The following PKN3 variants were observed in gnomAD, a reference collection of about 807,000 sequenced individuals.
PKN3 encodes protein kinase N3, also known as serine/threonine-protein kinase N3.
PKN3 carries 91 observed loss-of-function variants against 113.1 expected under a neutral mutation model. That is an observed-to-expected ratio of 0.80 (90% confidence interval 0.68 to 0.96). The LOEUF (loss-of-function observed/expected upper bound fraction) is 0.96, where lower values mean the gene tolerates loss of function less well. PKN3 is among the 40% of genes least tolerant of loss of function. The pLI, the probability that PKN3 is intolerant of heterozygous loss-of-function variation, is 0.00. For missense variants in PKN3, 1,052 were observed against 1,202.2 expected, an observed-to-expected ratio of 0.88 and a Z score of 1.85; for synonymous variants, 467 against 499.0, an observed-to-expected ratio of 0.94 and a Z score of 0.85.
At chr9:128,703,044 C>G (rs1393901838) in intron 1 of PKN3, 105 bp downstream of exon 1, 1 of 800,238 alleles carries the variant, frequency 1.2e-6, no homozygotes, top group African/African-American at 1.8e-5. Context: ...CTCCCCTCAC[C>G]CGCGCCCCTT....
chr9:128,711,411 ATTC>A (rs1421180923), intron 6 of PKN3, among the ~76,000 whole-genome samples: 1 of 149,164 alleles, frequency 6.7e-6, no homozygotes, highest in Non-Finnish European at 1.5e-5. Context: ...GGTTCACGCC[ATTC>A]TTCTGCCTCA....
At chr9:128,705,083 C>G (rs1283129197) in intron 1 of PKN3, among the ~76,000 whole-genome samples, 3 of 152,210 alleles carry the variant, frequency 2.0e-5, no homozygotes, top group Admixed American at 1.3e-4. Flanking sequence ...ACATCCTTCT[C>G]TAACGGGCGG....
intron 9 of PKN3, 55 bp downstream of exon 9, chr9:128,713,697 G>A: frequency 6.3e-7 from 1 of 1,582,426 alleles, no homozygotes; most frequent in Non-Finnish European, 8.6e-7. Flanking sequence ...TCAGGGCCAG[G>A]AAGGCCTTCA....
At chr9:128,703,323 C>T (rs1015527797) in intron 1 of PKN3, 19 of 969,920 alleles carry the variant, frequency 2.0e-5, no homozygotes, top group Non-Finnish European at 2.2e-5. Flanking sequence ...GCACAGGGGC[C>T]TGGGGGGGTT....
Position 128,718,531 on chromosome 9 carries a change from C to G in PKN3, c.2049-18C>G. On this transcript the variant is annotated intron_variant, in intron 17 of 21. Transcript: ENST00000291906. ...CTAAGCCCCACTCAGTCCCTTTGAT[C>G]TGCACCCTTGCCCTCAGGGACCTGA... 2 of 1,613,464 alleles carry G rather than the reference C, an allele frequency of 1.2e-6. No individual in the cohort carries two copies. Among genetic ancestry groups the G allele is most frequent in the Non-Finnish European group, 1.7e-6 (2 of 1,179,442 alleles).
chr9:128,718,544 C>A lies in PKN3; in HGVS notation c.2049-5C>A, dbSNP rs748848397. 5.0e-6 allele frequency: 8 copies of A among 1,613,900 alleles called. No individual in the cohort carries two copies. The highest frequency in any genetic ancestry group is 1.3e-5 in the African/African-American group (1 of 74,930). On this transcript the variant is annotated splice_polypyrimidine_tract_variant and splice_region_variant and intron_variant, in intron 17 of 21. Transcript: ENST00000291906. ...AGTCCCTTTGATCTGCACCCTTGCC[C>A]TCAGGGACCTGAAGTTGGATAACCT...
chr9:128,712,414 G>A (rs764991287), intron 6 of PKN3, among the ~76,000 whole-genome samples: 7 of 152,156 alleles, frequency 4.6e-5, no homozygotes, highest in Admixed American at 1.3e-4. Context: ...AACTTACTCC[G>A]TTGACAAAAC....
chr9:128,707,117 G>C, intron 5 of PKN3, 94 bp downstream of exon 5: 2 of 1,595,538 alleles, frequency 1.3e-6, no homozygotes, highest in Non-Finnish European at 1.7e-6. Context: ...GTAAAAGCAG[G>C]ACTTCTCTGT....
chr9:128,719,592 C>T, intron 18 of PKN3, 94 bp from the exon 19 acceptor site: 6 of 1,323,790 alleles, frequency 4.5e-6, no homozygotes, highest in Non-Finnish European at 6.2e-6. Context: ...GGGCTTGGCA[C>T]AGGCTCAGCT....
At chr9:128,703,901 G>A (rs1446643935) in intron 1 of PKN3, 1 of 985,366 alleles carries the variant, frequency 1.0e-6, no homozygotes, top group East Asian at 1.1e-4. Context: ...GCGGCAGCTG[G>A]GTGACTCAGG....
intron 6 of PKN3, among the ~76,000 whole-genome samples, chr9:128,712,427 G>A (rs752511356): frequency 6.6e-6 from 1 of 152,174 alleles, no homozygotes; most frequent in Non-Finnish European, 1.5e-5. Context: ...GACAAAACAC[G>A]TTTCATATCC....
At chr9:128,717,863 A>G (rs1480095041) in intron 16 of PKN3, among the ~76,000 whole-genome samples, 2 of 5,748 alleles carry the variant, frequency 3.5e-4, no homozygotes, top group Non-Finnish European at 0.024. Flanking sequence ...ATAAAAACTA[A>G]AAAAAAAAAA....
intron 6 of PKN3, 23 bp from the exon 7 acceptor site, chr9:128,713,029 C>T (rs755623673): frequency 1.9e-6 from 3 of 1,571,864 alleles, no homozygotes; most frequent in East Asian, 4.5e-5. Context: ...TCTGACAACG[C>T]CCCCCGCTCA....
rs1363331466 is a variant in PKN3 at position 128,705,792 on chromosome 9, G to A, written c.324G>A (p.Glu108=). ...AGCAGCTCAGGGCTCGGCACCTAGA[G>A]GCTCTCCGGAGGCAGCTGCATGTGG... is the stretch of plus-strand genomic sequence containing the variant. The part of the protein sequence containing the change: ...WAEQLRARHL[E]ALRRQLHVEL... Residue 108 remains glutamate, a synonymous_variant, in exon 3 of 22, where the codon GAG becomes GAA. Coordinates refer to ENST00000291906, the MANE Select transcript of PKN3 (RefSeq NM_013355.5). 3.7e-6 allele frequency: 6 copies of A among 1,608,446 alleles called. No homozygotes were observed. Among genetic ancestry groups the A allele is most frequent in the Non-Finnish European group, 5.1e-6 (6 of 1,177,668 alleles).
In PKN3 at chr9:128,720,720, G is replaced by T; in HGVS notation, c.*114G>T. ...CCTTGCTGGGTACTTCTGAGCCCTTGGGATTCAAAGTGGCAGCCATGGGGC... is the reference window on the plus strand; with the variant it reads ...CCTTGCTGGGTACTTCTGAGCCCTTTGGATTCAAAGTGGCAGCCATGGGGC... On this transcript the variant is annotated 3_prime_UTR_variant, in exon 22 of 22. Transcript: ENST00000291906. This position sits in a 1 kb window ranked among gnomAD's most constrained non-coding sequence, Gnocchi z 5.5. 1 of 926,358 alleles carries T rather than the reference G, an allele frequency of 1.1e-6. No individual in the cohort carries two copies. The allele number at this position is 926,358 out of a possible 1,614,324, so 57.4% of individuals were successfully genotyped here. A position where few individuals can be genotyped will look rare whatever the true frequency, so the allele number is the denominator to read the frequency against.
In PKN3 at chr9:128,718,919, G is replaced by A. The variant is rs1398960884; in HGVS notation, c.2125+294G>A. ...TTTGGTTTGTTTTTTTTTTTGAGACGGAGTCTTGCTGTGCCGCCCAGGATG... is the reference window on the plus strand; with the variant it reads ...TTTGGTTTGTTTTTTTTTTTGAGACAGAGTCTTGCTGTGCCGCCCAGGATG... On this transcript the variant is annotated intron_variant, in intron 18 of 21. Transcript: ENST00000291906. Among the ~76,000 whole-genome samples, 16 of 140,732 alleles carry A rather than the reference G, an allele frequency of 1.1e-4. 1 individual carries two copies. The highest frequency in any genetic ancestry group is 4.2e-4 in the East Asian group (2 of 4,712). 92.3% of individuals were successfully genotyped at this position (140,732 alleles called of 152,430 possible).
At position 128,702,729 on chromosome 9, in the gene PKN3, C is replaced by A. The variant is rs1044875449; in HGVS notation, c.-187C>A. 1 of 508,074 alleles carries A rather than the reference C, an allele frequency of 2.0e-6. No individual in the cohort carries two copies. Among genetic ancestry groups the A allele is most frequent in the African/African-American group, 2.1e-5 (1 of 48,686 alleles). The allele number at this position is 508,074 out of a possible 1,614,324, so 31.5% of individuals were successfully genotyped here. ...GACCTCGGGCGTGGGGTCCCGGGCG[C>A]TGGATCGGCGCGGACGGGAGGCGGC... On this transcript the variant is annotated 5_prime_UTR_variant, in exon 1 of 22. It adds an upstream start codon to the 5' untranslated region. Coordinates refer to ENST00000291906, the MANE Select transcript of PKN3 (RefSeq NM_013355.5).
In PKN3 at chr9:128,719,779, T is replaced by G. The variant is rs759128835; in HGVS notation, c.2219T>G (p.Val740Gly). ...ACCCAGGAGGCATACACACGGGCTG[T>G]GGACTGGTGGGGGCTGGGTGTGCTG... ...VLTQEAYTRA[V>G]DWWGLGVLLY... The change falls in exon 19 of 22, where the codon GTG (valine) becomes GGG (glycine). Residue 740 changes from valine (V) to glycine (G), a missense_variant. Physicochemically the swap from Val to Gly is moderately radical, Grantham distance 109 (BLOSUM62 -3). Transcript: ENST00000291906. 3.1e-6 allele frequency: 5 copies of G among 1,603,800 alleles called. No homozygotes were observed. Among genetic ancestry groups the G allele is most frequent in the Non-Finnish European group, 3.4e-6 (4 of 1,175,844 alleles).
At chr9:128,707,777 T>C (rs1013387766) in intron 6 of PKN3, among the ~76,000 whole-genome samples, 5 of 152,162 alleles carry the variant, frequency 3.3e-5, no homozygotes, top group African/African-American at 9.7e-5. Context: ...CTTGGACTGT[T>C]AGAAAGTTTT....
Sources: gnomAD v4.1 joint callset for allele counts (sites outside exome capture counted in the v4.1 genomes callset) on GRCh38, gnomAD v4.1.1 for gene constraint, Gnocchi (gnomAD v3.1) non-coding constraint, MANE v1.5 for transcripts, NCBI Gene and HGNC (gene_info 2026-07-23, HGNC 2026-07-21) for gene names.